NEK3: variants seen among roughly 807,000 people sequenced by gnomAD.
NEK3 encodes serine/threonine-protein kinase Nek3.
NEK3 carries 54 observed loss-of-function variants against 66.0 expected under a neutral mutation model. That is an observed-to-expected ratio of 0.82 (90% CI 0.66 to 1.03). NEK3 has a LOEUF of 1.03. NEK3 is among the 50% of genes least tolerant of loss of function. NEK3 has a pLI of 0.00. For synonymous variants in NEK3, 200 were observed against 206.2 expected (o/e 0.97, Z 0.26); for missense variants, 593 against 603.0 (o/e 0.98, Z 0.17).
chr13:52,154,927 A>G (rs1276144228), intron 2 of NEK3, among the ~76,000 whole-genome samples: 1 of 151,204 alleles, frequency 6.6e-6, no homozygotes, highest in Non-Finnish European at 1.5e-5. Context: ...ACTACACTCC[A>G]GCCTGGGCAA....
chr13:52,150,095 C>A (rs989791497), intron 7 of NEK3, among the ~76,000 whole-genome samples: 3 of 152,152 alleles, frequency 2.0e-5, no homozygotes, highest in African/African-American at 7.2e-5. Flanking sequence ...CCCATTCAGT[C>A]AATTCTACTC....
rs1956166673 is a variant in NEK3, at chr13:52,133,037, C to G, written c.*105G>C. ...TATTAAGAGTTTCCTCTGCTTCATT[C>G]TGTTTCCAAAGGAAAATATACGTCG... is the stretch of plus-strand genomic sequence containing the variant. On this transcript the variant is annotated 3_prime_UTR_variant, in exon 16 of 16. Coordinates refer to ENST00000610828, the MANE Select transcript of NEK3 (RefSeq NM_002498.3). 5 of 905,334 alleles carry G rather than the reference C, an allele frequency of 5.5e-6. No homozygotes were observed. In the East Asian group the frequency reaches 1.3e-4, roughly 24 times the overall value. 56.1% of individuals were successfully genotyped at this position (905,334 alleles called of 1,614,324 possible). A position where few individuals can be genotyped will look rare whatever the true frequency, so the allele number is the denominator to read the frequency against.
intron 14 of NEK3, among the ~76,000 whole-genome samples, chr13:52,134,522 A>C (rs978814636): frequency 6.6e-6 from 1 of 152,202 alleles, no homozygotes; most frequent in African/African-American, 2.4e-5. Flanking sequence ...AAGGAAGACC[A>C]CATGCATGCT....
At chr13:52,156,401 T>G in intron 1 of NEK3, 153 bp from the exon 2 acceptor site, 1 of 392,754 alleles carries the variant, frequency 2.5e-6, no homozygotes, top group Non-Finnish European at 4.6e-6. Context: ...GCCACTTTCA[T>G]GTAAGAATTG....
chr13:52,153,307 T>C (rs1302218173), intron 4 of NEK3, among the ~76,000 whole-genome samples: 2 of 152,178 alleles, frequency 1.3e-5, no homozygotes, highest in East Asian at 3.8e-4. Context: ...ATATAGTTTC[T>C]AAATGAATAA....
rs1956176573 is a variant in NEK3 at position 52,133,671 on chromosome 13, A to G, written c.1436+18T>C. The G allele has an allele frequency of 1.0e-5, 16 of 1,549,702 alleles. No individual in the cohort carries two copies. The highest frequency in any genetic ancestry group is 1.4e-5 in the Non-Finnish European group (16 of 1,146,150). On this transcript the variant is annotated intron_variant, in intron 15 of 15. Transcript: ENST00000610828. The stretch of plus-strand genomic sequence containing the variant: ...CCCCCAACCCCAGCTACAGCTTTCT[A>G]TGCATATCACAACGTACGTGTCCTC...
At position 52,133,780 on chromosome 13, in the gene NEK3, C is replaced by T; in HGVS notation, c.1345G>A (p.Glu449Lys). 6.3e-7 allele frequency: 1 copy of T among 1,597,330 alleles called. No homozygotes were observed. The highest frequency in any genetic ancestry group is 8.5e-7 in the Non-Finnish European group (1 of 1,171,158). ...EGFLKGPLSE[E>K]TEASDSVDGG... The stretch of plus-strand genomic sequence containing the variant: ...TCAACACTGTCCGATGCTTCTGTTT[C>T]TTCAGACAGGGGGCCTTTCAAGAAC... Residue 449 changes from glutamate to lysine, a missense_variant, in exon 15 of 16, where the codon GAA becomes AAA. By Grantham distance (56) the Glu-to-Lys change is moderately conservative. Coordinates refer to ENST00000610828, the MANE Select transcript of NEK3 (RefSeq NM_002498.3).
At position 52,135,803 on chromosome 13, in the gene NEK3, G is replaced by C; in HGVS notation, c.1235C>G (p.Pro412Arg). 6.2e-7 allele frequency: 1 copy of C among 1,613,530 alleles called. No individual in the cohort carries two copies. Among genetic ancestry groups the C allele is most frequent in the Non-Finnish European group, 8.5e-7 (1 of 1,179,562 alleles). ...CTTAAGGATGTTCAACAAAGTGTCA[G>C]GGGTCTCTTTGAGCCACTGCTTACG... The part of the protein sequence containing the change: ...TTRKQWLKET[P>R]DTLLNILKNA... Residue 412 changes from proline (P) to arginine (R), a missense_variant, in exon 14 of 16, where the codon CCT (proline) becomes CGT (arginine). By Grantham distance (103) the Pro-to-Arg change is moderately radical. Coordinates refer to ENST00000610828, the MANE Select transcript of NEK3 (RefSeq NM_002498.3).
chr13:52,143,643 A>G (rs1390889180), intron 10 of NEK3, among the ~76,000 whole-genome samples: 1 of 152,230 alleles, frequency 6.6e-6, no homozygotes, highest in East Asian at 1.9e-4. Context: ...CCTGACCTAC[A>G]CAACAAGCCA....
chr13:52,152,509 C>A, intron 5 of NEK3, 100 bp downstream of exon 5: 1 of 632,284 alleles, frequency 1.6e-6, no homozygotes, highest in Non-Finnish European at 2.6e-6. Context: ...ACAAATATTT[C>A]TAAACTAAAC....
At chr13:52,157,524 G>C (rs1956405582) in intron 1 of NEK3, 1 of 152,282 alleles carries the variant, frequency 6.6e-6, no homozygotes, top group Admixed American at 6.5e-5. Flanking sequence ...GATTTTTCTG[G>C]AAGTGGGAGT....
intron 7 of NEK3, among the ~76,000 whole-genome samples, chr13:52,148,917 A>C (rs948897425): frequency 5.9e-5 from 9 of 152,000 alleles, no homozygotes; most frequent in Admixed American, 5.2e-4. Context: ...TTTGAGATGG[A>C]GTCTTGCTCT....
intron 1 of NEK3, chr13:52,156,547 C>T (rs1956398033): frequency 5.9e-6 from 1 of 168,812 alleles, no homozygotes. Context: ...AGGAGAGCAA[C>T]TCTTACCAAT....
At chr13:52,143,179 G>A (rs1462758265) in intron 10 of NEK3, among the ~76,000 whole-genome samples, 1 of 152,132 alleles carries the variant, frequency 6.6e-6, no homozygotes, top group Admixed American at 6.5e-5. Context: ...AGCCAGGCAT[G>A]GTGGCACATG....
At position 52,141,179 on chromosome 13, in the gene NEK3, TCAAAGAGC is replaced by T. The variant is rs1956247729; in HGVS notation, c.878-118_878-111del. 10 of 900,436 alleles carry T rather than the reference TCAAAGAGC, an allele frequency of 1.1e-5. No individual in the cohort carries two copies. In the South Asian group the frequency reaches 1.9e-4, roughly 18 times the overall value. The allele number at this position is 900,436 out of a possible 1,614,324, so 55.8% of individuals were successfully genotyped here. Reference sequence around the variant, plus strand: ...GGAGAAGTGAGTGAGGTTATTAAAGTCAAAGAGCCAAAGCTCTCTGATATCCTGAATGG... The same window carrying T: ...GGAGAAGTGAGTGAGGTTATTAAAGTCAAAGCTCTCTGATATCCTGAATGG... On this transcript the variant is annotated intron_variant, in intron 10 of 15. Transcript: ENST00000610828.
intron 14 of NEK3, 122 bp downstream of exon 14, chr13:52,135,607 T>C (rs1956197286): frequency 2.6e-6 from 2 of 757,958 alleles, no homozygotes; most frequent in Non-Finnish European, 4.0e-6. Context: ...CAATGTGACG[T>C]ACTTAGTGCT....
At chr13:52,152,543 A>T in intron 5 of NEK3, 66 bp downstream of exon 5, 2 of 979,922 alleles carry the variant, frequency 2.0e-6, no homozygotes, top group Non-Finnish European at 3.1e-6. Context: ...AATGCATGGC[A>T]TAACACAGTA....
In NEK3 at chr13:52,136,223, G is replaced by A; in HGVS notation, c.1067C>T (p.Pro356Leu). 6.2e-7 allele frequency: 1 copy of A among 1,613,520 alleles called. No homozygotes were observed. Among genetic ancestry groups the A allele is most frequent in the East Asian group, 2.2e-5 (1 of 44,846 alleles). Reference sequence around the variant, plus strand: ...CTCCCACTGTCGTCTATGAAGATTTGGTGAACTGGCTTTCCTCAGATGGAC... The same window carrying A: ...CTCCCACTGTCGTCTATGAAGATTTAGTGAACTGGCTTTCCTCAGATGGAC... The part of the protein sequence containing the change: ...KSVHLRKASS[P>L]NLHRRQWEKN... Residue 356 changes from proline to leucine, a missense_variant, in exon 13 of 16, where the codon CCA (proline) becomes CTA (leucine). Pro to Leu is a moderately conservative substitution (Grantham distance 98). Coordinates refer to ENST00000610828, the MANE Select transcript of NEK3 (RefSeq NM_002498.3).
At chr13:52,139,888 G>A (rs1158535640) in intron 11 of NEK3, among the ~76,000 whole-genome samples, 1 of 152,028 alleles carries the variant, frequency 6.6e-6, no homozygotes, top group East Asian at 1.9e-4. Context: ...GGCAGAGGGA[G>A]ATTCTGTTTC....
Sources: allele counts gnomAD v4.1 joint callset (sites outside exome capture counted in the v4.1 genomes callset), GRCh38; gene constraint gnomAD v4.1.1; transcripts MANE v1.5; gene names NCBI Gene and HGNC (gene_info 2026-07-23, HGNC 2026-07-21).